ZC3H7A: variants seen among roughly 807,000 people sequenced by gnomAD.
The protein encoded by ZC3H7A is zinc finger CCCH-type containing 7A.
In ZC3H7A, 44 loss-of-function variants were observed where a neutral mutation model predicts 125.5. That is an observed-to-expected ratio of 0.35 (90% CI 0.28 to 0.45). The LOEUF is 0.45. Ranked by LOEUF, ZC3H7A falls within the 20% of genes least tolerant of loss-of-function variation. The pLI, the probability that ZC3H7A is intolerant of heterozygous loss-of-function variation, is 1.00. For synonymous variants in ZC3H7A, 399 were observed against 391.2 expected, an observed-to-expected ratio of 1.02 and a Z score of -0.23; for missense variants, 977 against 1,170.7, an observed-to-expected ratio of 0.83 and a Z score of 2.41.
At chr16:11,780,208 C>A (rs903295272) in intron 3 of ZC3H7A, among the ~76,000 whole-genome samples, 1 of 151,404 alleles carries the variant, frequency 6.6e-6, no homozygotes, top group Non-Finnish European at 1.5e-5. Flanking sequence ...TGCGACTTCA[C>A]CTCCTGAGTT....
chr16:11,785,922 T>C (rs2053250515), intron 1 of ZC3H7A, among the ~76,000 whole-genome samples: 1 of 152,110 alleles, frequency 6.6e-6, no homozygotes, highest in South Asian at 2.1e-4. Flanking sequence ...CCTGGCCGTT[T>C]TGTGTTTTTT....
Position 11,769,061 on chromosome 16 carries a change from C to A in ZC3H7A, c.1143G>T (p.Pro381=). 6.2e-7 allele frequency: 1 copy of A among 1,610,054 alleles called. No individual in the cohort carries two copies. The highest frequency in any genetic ancestry group is 8.5e-7 in the Non-Finnish European group (1 of 1,178,502). Residue 381 remains proline, a synonymous_variant, in exon 11 of 23, where the codon CCG becomes CCT. Transcript: ENST00000355758. Reference sequence around the variant, plus strand: ...AAAGGGAAGAATTACTGTTGTTAAGCGGTGTTCCCTCTCTAGAAGTTGAGG... The same window carrying A: ...AAAGGGAAGAATTACTGTTGTTAAGAGGTGTTCCCTCTCTAGAAGTTGAGG... ...LSTSTSREGT[P]LNNSNSSLLL...
intron 18 of ZC3H7A, 56 bp from the exon 19 acceptor site, chr16:11,761,567 C>T: frequency 6.3e-7 from 1 of 1,577,840 alleles, no homozygotes; most frequent in Non-Finnish European, 8.7e-7. Flanking sequence ...AGACATAACA[C>T]AAAGGGAGAG....
At chr16:11,779,134 C>T in intron 4 of ZC3H7A, 32 bp downstream of exon 4, 1 of 1,534,380 alleles carries the variant, frequency 6.5e-7, no homozygotes, top group Non-Finnish European at 8.9e-7. Context: ...TCTTTTCACT[C>T]TAGAAACATC....
At chr16:11,793,736 A>G (rs1450443150) in intron 1 of ZC3H7A, among the ~76,000 whole-genome samples, 2 of 152,230 alleles carry the variant, frequency 1.3e-5, no homozygotes, top group African/African-American at 2.4e-5. Context: ...GCACAAGGCA[A>G]GCCTCAGAAG....
Position 11,761,504 on chromosome 16 carries a change from T to C in ZC3H7A, c.2221A>G (p.Lys741Glu), listed in dbSNP as rs1567375599. Residue 741 changes from lysine to glutamate, a missense_variant, in exon 19 of 23, where the codon AAA (lysine) becomes GAA (glutamate). By Grantham distance (56) the Lys-to-Glu change is moderately conservative. Around this residue, in one of 3 missense-constraint regions of ZC3H7A, gnomAD observed 436 missense variants for 603.2 expected, o/e 0.72. Coordinates refer to ENST00000355758, the MANE Select transcript of ZC3H7A (RefSeq NM_014153.4). ...ATCACTCTCATCGCACGCCGGTCTT[T>C]GGTCCACCTAAGAAAAATGGAGTTC... ...CSAKARHSWT[K>E]DRRAMRVMSI... The C allele has an allele frequency of 3.1e-6, 5 of 1,614,068 alleles. No homozygotes were observed. Among genetic ancestry groups the C allele is most frequent in the Non-Finnish European group, 4.2e-6 (5 of 1,179,982 alleles).
intron 1 of ZC3H7A, among the ~76,000 whole-genome samples, chr16:11,787,432 C>T (rs2053273772): frequency 6.6e-6 from 1 of 152,136 alleles, no homozygotes; most frequent in African/African-American, 2.4e-5. Context: ...ATAATCTCCC[C>T]CCAACACACA....
intron 21 of ZC3H7A, 60 bp downstream of exon 21, chr16:11,756,177 G>A (rs1277877870): frequency 1.3e-6 from 2 of 1,561,552 alleles, no homozygotes; most frequent in Non-Finnish European, 8.6e-7. Context: ...AAAGAAAAGG[G>A]AAAAGAAAGG....
intron 1 of ZC3H7A, chr16:11,782,855 TCCACCTA>T (rs1221718537): frequency 1.9e-5 from 3 of 155,584 alleles, no homozygotes; most frequent in Admixed American, 1.9e-4. Context: ...CCTCAAGTGA[TCCACCTA>T]CCTCGGCCTC....
At chr16:11,774,627 A>G in intron 8 of ZC3H7A, 108 bp from the exon 9 acceptor site, 1 of 1,273,506 alleles carries the variant, frequency 7.9e-7, no homozygotes, top group South Asian at 1.8e-5. Context: ...AGGCAATTAT[A>G]AAAATAATAA....
intron 1 of ZC3H7A, among the ~76,000 whole-genome samples, chr16:11,794,542 GA>G (rs201654517): frequency 1.3e-5 from 2 of 151,396 alleles, no homozygotes; most frequent in South Asian, 2.1e-4. Flanking sequence ...ATTTTCACTA[GA>G]AAAAAAACAA....
intron 12 of ZC3H7A, 138 bp from the exon 13 acceptor site, chr16:11,767,716 A>C: frequency 2.5e-6 from 2 of 815,830 alleles, no homozygotes; most frequent in Non-Finnish European, 3.6e-6. Context: ...CAACCCTAAA[A>C]TGTAAGTAGG....
intron 1 of ZC3H7A, among the ~76,000 whole-genome samples, chr16:11,793,574 C>T (rs1271430312): frequency 6.6e-6 from 1 of 152,048 alleles, no homozygotes; most frequent in Non-Finnish European, 1.5e-5. Flanking sequence ...ATACATTCCA[C>T]TCCATATTCA....
Position 11,774,385 on chromosome 16 carries a change from C to T in ZC3H7A, c.754G>A (p.Glu252Lys). The change falls in exon 9 of 23, where the codon GAG becomes AAG. Residue 252 changes from glutamate (E) to lysine (K), a missense_variant. Around this residue, in one of 3 missense-constraint regions of ZC3H7A, gnomAD observed 342 missense variants for 311.3 expected, o/e 1.10. Coordinates refer to ENST00000355758, the MANE Select transcript of ZC3H7A (RefSeq NM_014153.4). The stretch of plus-strand genomic sequence containing the variant: ...AGCACTGCAGATGGCAGAGCGCTCT[C>T]TTCCACTTGTAGTGGCAAAATAGAA... ...LTSILPLQVE[E>K]SALPSAVLAN... 2 of 1,613,924 alleles carry T rather than the reference C, an allele frequency of 1.2e-6. No individual in the cohort carries two copies. Among genetic ancestry groups the T allele is most frequent in the Non-Finnish European group, 1.7e-6 (2 of 1,179,882 alleles).
chr16:11,766,623 C>G (rs1346416618), intron 13 of ZC3H7A, among the ~76,000 whole-genome samples: 1 of 152,056 alleles, frequency 6.6e-6, no homozygotes, highest in Non-Finnish European at 1.5e-5. Context: ...TGGCTCATGC[C>G]TGTAATCCTT....
chr16:11,795,071 G>A (rs1381349570), intron 1 of ZC3H7A, among the ~76,000 whole-genome samples: 1 of 152,164 alleles, frequency 6.6e-6, no homozygotes, highest in African/African-American at 2.4e-5. Flanking sequence ...AACAACTCAT[G>A]ATCTCATCCT....
At chr16:11,772,858 A>C (rs1345134398) in intron 9 of ZC3H7A, among the ~76,000 whole-genome samples, 1 of 151,710 alleles carries the variant, frequency 6.6e-6, no homozygotes, top group Non-Finnish European at 1.5e-5. Flanking sequence ...CACCATGCCC[A>C]GCTAATTTTT....
intron 17 of ZC3H7A, 124 bp from the exon 18 acceptor site, chr16:11,762,167 G>T: frequency 1.0e-6 from 1 of 973,546 alleles, no homozygotes; most frequent in Non-Finnish European, 1.5e-6. Context: ...TATCTGACTT[G>T]ATTTGACCAT....
At chr16:11,788,813 C>A (rs2141218611) in intron 1 of ZC3H7A, among the ~76,000 whole-genome samples, 1 of 152,098 alleles carries the variant, frequency 6.6e-6, no homozygotes, top group East Asian at 1.9e-4. Flanking sequence ...GGGGTTTCAC[C>A]ATGTTGGTCA....
Sources: allele counts gnomAD v4.1 joint callset (sites outside exome capture counted in the v4.1 genomes callset), GRCh38; gene constraint gnomAD v4.1.1; regional missense constraint gnomAD v4.1.1; transcripts MANE v1.5; gene names NCBI Gene and HGNC (gene_info 2026-07-23, HGNC 2026-07-21).